The following RUNDC3B variants were observed in gnomAD, a reference collection of about 807,000 sequenced individuals.
RUNDC3B encodes RUN domain-containing protein 3B.
A neutral mutation model predicts 58.4 loss-of-function variants in RUNDC3B; 33 were observed. That is an observed-to-expected ratio of 0.56 (90% confidence interval 0.43 to 0.75). The LOEUF is 0.75. Ranked by LOEUF, RUNDC3B falls within the 30% of genes least tolerant of loss-of-function variation. RUNDC3B has a pLI of 0.00. For missense variants in RUNDC3B, 501 were observed against 535.7 expected, an observed-to-expected ratio of 0.94 and a Z score of 0.64; for synonymous variants, 193 against 195.2, an observed-to-expected ratio of 0.99 and a Z score of 0.10.
intron 4 of RUNDC3B, among the ~76,000 whole-genome samples, chr7:87,714,735 T>C (rs1296534116): frequency 6.6e-6 from 1 of 151,912 alleles, no homozygotes; most frequent in Non-Finnish European, 1.5e-5. Flanking sequence ...GATGAGGACG[T>C]TTATAGCCCT....
chr7:87,628,639 A>C lies in RUNDC3B; in HGVS notation c.-185A>C. ...TGTGTGTGTGTGGAGCTCGGGTGCC[A>C]AGGGCGAGCCGTCAGTCCCCGGGTG... On this transcript the variant is annotated 5_prime_UTR_variant, in exon 1 of 11. Coordinates refer to ENST00000394654, the MANE Select transcript of RUNDC3B (RefSeq NM_001134405.2). 5 of 340,376 alleles carry C rather than the reference A, an allele frequency of 1.5e-5. No homozygotes were observed. Among genetic ancestry groups the C allele is most frequent in the Admixed American group, 5.0e-5 (1 of 19,806 alleles). The allele number at this position is 340,376 out of a possible 1,614,324, so 21.1% of individuals were successfully genotyped here.
intron 9 of RUNDC3B, among the ~76,000 whole-genome samples, chr7:87,809,814 C>G (rs149863464): frequency 6.6e-6 from 1 of 152,308 alleles, no homozygotes; most frequent in Non-Finnish European, 1.5e-5. Context: ...AAACCAATCA[C>G]AGCTTTTCAT....
intron 4 of RUNDC3B, among the ~76,000 whole-genome samples, chr7:87,732,307 A>G (rs185118449): frequency 1.5e-3 from 224 of 152,286 alleles, no homozygotes; most frequent in African/African-American, 5.2e-3. Context: ...AAAAGTAGAA[A>G]AACTTGAAAA....
At chr7:87,668,991 C>G (rs1825556380) in intron 2 of RUNDC3B, among the ~76,000 whole-genome samples, 1 of 151,960 alleles carries the variant, frequency 6.6e-6, no homozygotes, top group Non-Finnish European at 1.5e-5. Flanking sequence ...TGTATCCGAG[C>G]CTTTTGGTTT....
At chr7:87,751,176 G>T (rs1291420307) in intron 6 of RUNDC3B, among the ~76,000 whole-genome samples, 1 of 152,142 alleles carries the variant, frequency 6.6e-6, no homozygotes, top group South Asian at 2.1e-4. Flanking sequence ...GTTTGTTAAA[G>T]ATCAGATGGT....
intron 1 of RUNDC3B, among the ~76,000 whole-genome samples, chr7:87,649,459 A>G (rs534242531): frequency 6.6e-6 from 1 of 152,300 alleles, no homozygotes; most frequent in Admixed American, 6.5e-5. Flanking sequence ...AGTAAGATAA[A>G]TTGTAATTTT....
Position 87,693,588 on chromosome 7 carries a change from C to A in RUNDC3B, c.239-6833C>A, listed in dbSNP as rs73706903. On this transcript the variant is annotated intron_variant, in intron 2 of 10. Transcript: ENST00000394654. ...CTGTTGCTCTTCTTTGAGGTCTATT[C>A]TACTCATCAGTTTATTACATCTGAG... 7.8e-3 allele frequency among the ~76,000 whole-genome samples: 1,185 copies of A among 152,162 alleles called. 21 individuals carry two copies. The highest frequency in any genetic ancestry group is 0.027 in the African/African-American group (1,122 of 41,522).
At chr7:87,689,503 C>G (rs1371611890) in intron 2 of RUNDC3B, among the ~76,000 whole-genome samples, 1 of 151,972 alleles carries the variant, frequency 6.6e-6, no homozygotes, top group Non-Finnish European at 1.5e-5. Flanking sequence ...CTAATATTTA[C>G]TTTATTGTGC....
chr7:87,826,918 A>G (rs1464787004), intron 10 of RUNDC3B, among the ~76,000 whole-genome samples: 1 of 152,234 alleles, frequency 6.6e-6, no homozygotes, highest in African/African-American at 2.4e-5. Flanking sequence ...GTCTAGTTGT[A>G]TAAAGGTAAC....
At chr7:87,649,243 G>A (rs778971876) in intron 1 of RUNDC3B, among the ~76,000 whole-genome samples, 1 of 152,162 alleles carries the variant, frequency 6.6e-6, no homozygotes, top group African/African-American at 2.4e-5. Context: ...TAAACTATAT[G>A]TTGGGTCTTG....
chr7:87,632,727 G>A (rs1287043171), intron 1 of RUNDC3B, among the ~76,000 whole-genome samples: 4 of 151,952 alleles, frequency 2.6e-5, no homozygotes, highest in Admixed American at 2.0e-4. Context: ...AAGCTTCATT[G>A]TTTACAGAAA....
chr7:87,639,927 GTA>G (rs1331282340), intron 1 of RUNDC3B, among the ~76,000 whole-genome samples: 1 of 151,382 alleles, frequency 6.6e-6, no homozygotes, highest in Non-Finnish European at 1.5e-5. Flanking sequence ...ACTGTTCATT[GTA>G]TGTTTGCTTT....
chr7:87,650,866 T>G lies in RUNDC3B; in HGVS notation c.167T>G (p.Ile56Ser). Reference protein sequence around the residue: ...TLIDRSCFETIDDSSPEFNNF... With the variant: ...TLIDRSCFETSDDSSPEFNNF... ...ATTGATCGGTCTTGCTTTGAGACAA[T>G]TGATGATTCTTCTCCTGAATTTAAC... Residue 56 changes from isoleucine (I) to serine (S), a missense_variant, in exon 2 of 11, where the codon ATT becomes AGT. By Grantham distance (142) the Ile-to-Ser change is moderately radical. Coordinates refer to ENST00000394654, the MANE Select transcript of RUNDC3B (RefSeq NM_001134405.2). 6.2e-7 allele frequency: 1 copy of G among 1,613,076 alleles called. No homozygotes were observed. Among genetic ancestry groups the G allele is most frequent in the Non-Finnish European group, 8.5e-7 (1 of 1,179,236 alleles).
chr7:87,653,322 A>G (rs150267282), intron 2 of RUNDC3B, among the ~76,000 whole-genome samples: 4 of 152,214 alleles, frequency 2.6e-5, no homozygotes, highest in Admixed American at 2.6e-4. Flanking sequence ...ATAAATATGT[A>G]GAACATTTTG....
At chr7:87,737,906 C>T (rs117064026) in intron 4 of RUNDC3B, among the ~76,000 whole-genome samples, 4,358 of 152,110 alleles carry the variant, frequency 0.029, 60 homozygotes, top group Middle Eastern at 0.048. Flanking sequence ...TATATGCACA[C>T]ACATAAAAGA....
intron 3 of RUNDC3B, among the ~76,000 whole-genome samples, chr7:87,710,363 G>A (rs1379576539): frequency 6.6e-6 from 1 of 152,012 alleles, no homozygotes; most frequent in Non-Finnish European, 1.5e-5. Context: ...AGTTTGACAT[G>A]CTGTACCCTA....
chr7:87,820,157 G>T (rs1398247855), intron 10 of RUNDC3B, among the ~76,000 whole-genome samples: 2 of 151,932 alleles, frequency 1.3e-5, no homozygotes, highest in Non-Finnish European at 2.9e-5. Context: ...TAATAAAGAA[G>T]AAAAGAGAGA....
intron 6 of RUNDC3B, among the ~76,000 whole-genome samples, chr7:87,756,556 A>G (rs1457906608): frequency 6.6e-6 from 1 of 152,076 alleles, no homozygotes; most frequent in Non-Finnish European, 1.5e-5. Context: ...CAGATTGGTA[A>G]GTTATGGCTT....
At chr7:87,633,699 C>A (rs1821456503) in intron 1 of RUNDC3B, among the ~76,000 whole-genome samples, 1 of 151,884 alleles carries the variant, frequency 6.6e-6, no homozygotes, top group South Asian at 2.1e-4. Flanking sequence ...ACCCAGAGGC[C>A]TGAGTTAAGT....
Sources: allele counts gnomAD v4.1 joint callset (sites outside exome capture counted in the v4.1 genomes callset), GRCh38; gene constraint gnomAD v4.1.1; transcripts MANE v1.5; gene names NCBI Gene and HGNC (gene_info 2026-07-23, HGNC 2026-07-21).